The following TMEM132B variants were observed in gnomAD, a reference collection of about 807,000 sequenced individuals.
The protein encoded by TMEM132B is transmembrane protein 132B.
A neutral mutation model predicts 90.8 loss-of-function variants in TMEM132B; 18 were observed. The observed-to-expected ratio is 0.20, with a 90% CI of 0.14 to 0.29. TMEM132B has a LOEUF of 0.29. TMEM132B is among the 10% of genes least tolerant of loss of function. TMEM132B has a pLI of 1.00. For missense variants in TMEM132B, 1,096 were observed against 1,326.8 expected (o/e 0.83, Z 2.70); for synonymous variants, 504 against 523.3 (o/e 0.96, Z 0.50).
At chr12:125,199,081 G>T (rs755310997) in intron 1 of TMEM132B, among the ~76,000 whole-genome samples, 3 of 152,246 alleles carry the variant, frequency 2.0e-5, no homozygotes, top group Non-Finnish European at 4.4e-5. Context: ...CATGAAGCAG[G>T]TGTGTGTGCT....
intron 1 of TMEM132B, among the ~76,000 whole-genome samples, chr12:125,333,206 C>A (rs1198847886): frequency 6.6e-6 from 1 of 152,174 alleles, no homozygotes; most frequent in East Asian, 1.9e-4. Flanking sequence ...TCTCCTATGT[C>A]TTTGTGTGTC....
chr12:125,554,465 C>T (rs987095185), intron 4 of TMEM132B, among the ~76,000 whole-genome samples: 1 of 134,830 alleles, frequency 7.4e-6, no homozygotes, highest in Non-Finnish European at 1.6e-5. Flanking sequence ...GATTTATCAA[C>T]AGTAGTCTAA....
chr12:125,252,224 G>A (rs979236232), intron 1 of TMEM132B, among the ~76,000 whole-genome samples: 7 of 152,190 alleles, frequency 4.6e-5, no homozygotes, highest in African/African-American at 1.2e-4. Flanking sequence ...GGAAGGGCCC[G>A]GAGGAGGCAA....
intron 2 of TMEM132B, among the ~76,000 whole-genome samples, chr12:125,375,752 G>T (rs975085466): frequency 6.6e-6 from 1 of 152,196 alleles, no homozygotes; most frequent in South Asian, 2.1e-4. Flanking sequence ...GTAAACCCAC[G>T]TTAGTGAGAC....
intron 4 of TMEM132B, among the ~76,000 whole-genome samples, chr12:125,537,353 C>G (rs753091613): frequency 6.6e-6 from 1 of 152,220 alleles, no homozygotes; most frequent in Admixed American, 6.5e-5. Context: ...AACCAACACA[C>G]AAAACACAAA....
chr12:125,600,396 G>A (rs890584050), intron 5 of TMEM132B, among the ~76,000 whole-genome samples: 2 of 152,156 alleles, frequency 1.3e-5, no homozygotes, highest in African/African-American at 4.8e-5. Flanking sequence ...GCCACTGGCT[G>A]ACATTACTAT....
Position 125,308,670 on chromosome 12 carries a change from TACAAAG to T in TMEM132B, c.68-40780_68-40775del, listed in dbSNP as rs1465777232. Among the ~76,000 whole-genome samples the T allele has an allele frequency of 4.6e-5, 7 of 152,296 alleles. No homozygotes were observed. In the East Asian group the frequency reaches 1.3e-3, roughly 29 times the overall value. ...TTTGAGGAATAAAAAAAGTGAAAAG[TACAAAG>T]AGTAACATAACAAATATCAGTGTAT... On this transcript the variant is annotated intron_variant, in intron 1 of 8. Coordinates refer to ENST00000682704, the MANE Select transcript of TMEM132B (RefSeq NM_001366854.1).
At chr12:125,516,778 CT>C (rs1592968707) in intron 3 of TMEM132B, among the ~76,000 whole-genome samples, 2 of 152,338 alleles carry the variant, frequency 1.3e-5, no homozygotes, top group East Asian at 3.9e-4. Context: ...CTACGGAATG[CT>C]GAGAACCCGG....
intron 1 of TMEM132B, among the ~76,000 whole-genome samples, chr12:125,296,161 G>A (rs1022830912): frequency 9.9e-5 from 15 of 152,138 alleles, no homozygotes; most frequent in Non-Finnish European, 1.5e-4. Context: ...GATAAAAGCC[G>A]AAGTCCTTAT....
At chr12:125,630,845 G>C (rs1886353304) in intron 5 of TMEM132B, among the ~76,000 whole-genome samples, 1 of 151,932 alleles carries the variant, frequency 6.6e-6, no homozygotes, top group Non-Finnish European at 1.5e-5. Context: ...GTGGTATTTG[G>C]CTTTCTCTTC....
At chr12:125,433,352 CTTG>C (rs1880597736) in intron 3 of TMEM132B, among the ~76,000 whole-genome samples, 1 of 152,110 alleles carries the variant, frequency 6.6e-6, no homozygotes, top group South Asian at 2.1e-4. Context: ...TGTCCCCCGA[CTTG>C]AACTCCAAAT....
chr12:125,294,616 C>T (rs1875622082), intron 1 of TMEM132B, among the ~76,000 whole-genome samples: 1 of 152,190 alleles, frequency 6.6e-6, no homozygotes, highest in Non-Finnish European at 1.5e-5. Flanking sequence ...ACGAATCTTC[C>T]CAACAAACTT....
rs190373715 is a variant in TMEM132B, at chr12:125,312,995, A to G, written c.68-36457A>G. Among the ~76,000 whole-genome samples, 384 of 152,312 alleles carry G rather than the reference A, an allele frequency of 2.5e-3. 4 individuals are homozygous for G. The highest frequency in any genetic ancestry group is 9.0e-3 in the African/African-American group (374 of 41,560). On this transcript the variant is annotated intron_variant, in intron 1 of 8. Transcript: ENST00000682704. ...CACCTGCTTTCCTGGAAGCCTGCAC[A>G]TGCTCAGGATGTGGACCGTGTGCAT...
At chr12:125,208,904 G>A (rs758786864) in intron 1 of TMEM132B, among the ~76,000 whole-genome samples, 11 of 152,294 alleles carry the variant, frequency 7.2e-5, no homozygotes, top group African/African-American at 2.4e-4. Flanking sequence ...CCTTCATGCC[G>A]TCACCACAGG....
chr12:125,306,186 T>C (rs1292685971), intron 1 of TMEM132B, among the ~76,000 whole-genome samples: 1 of 152,234 alleles, frequency 6.6e-6, no homozygotes, highest in Non-Finnish European at 1.5e-5. Flanking sequence ...GATTGTCTAA[T>C]TTTCCAACCA....
intron 2 of TMEM132B, among the ~76,000 whole-genome samples, chr12:125,386,033 C>T (rs768696779): frequency 3.9e-5 from 6 of 152,104 alleles, no homozygotes; most frequent in Non-Finnish European, 7.3e-5. Flanking sequence ...CACTCTGTTG[C>T]CCAGGTTGGA....
At chr12:125,546,171 A>G (rs1414617530) in intron 4 of TMEM132B, among the ~76,000 whole-genome samples, 1 of 151,950 alleles carries the variant, frequency 6.6e-6, no homozygotes, top group Admixed American at 6.6e-5. Context: ...AGCTCCAGGC[A>G]AGTATTGTCT....
At chr12:125,260,389 G>A (rs1874535991) in intron 1 of TMEM132B, among the ~76,000 whole-genome samples, 1 of 152,164 alleles carries the variant, frequency 6.6e-6, no homozygotes, top group Non-Finnish European at 1.5e-5. Flanking sequence ...TTTAGAGATA[G>A]AGTCTTGCTG....
At chr12:125,242,625 G>C (rs1002003111) in intron 1 of TMEM132B, among the ~76,000 whole-genome samples, 8 of 152,192 alleles carry the variant, frequency 5.3e-5, no homozygotes, top group African/African-American at 1.9e-4. Context: ...TCAGCTGGAG[G>C]AGGAACCCCG....
Sources: gnomAD v4.1 joint callset for allele counts (sites outside exome capture counted in the v4.1 genomes callset) on GRCh38, gnomAD v4.1.1 for gene constraint, MANE v1.5 for transcripts, NCBI Gene and HGNC (gene_info 2026-07-23, HGNC 2026-07-21) for gene names.